Variants in DLG2 observed in about 807,000 individuals in gnomAD.
DLG2 encodes disks large homolog 2.
Under a neutral mutation model 132.5 loss-of-function variants are expected in DLG2, and 45 were observed. That is an observed-to-expected ratio of 0.34 (90% CI 0.27 to 0.44). DLG2 has a LOEUF of 0.44. DLG2 is among the 20% of genes least tolerant of loss of function. The pLI is 1.00. For synonymous variants in DLG2, 424 were observed against 419.6 expected, an observed-to-expected ratio of 1.01 and a Z score of -0.13; for missense variants, 1,045 against 1,196.9, an observed-to-expected ratio of 0.87 and a Z score of 1.87.
chr11:84,512,523 C>T (rs2099259822), intron 7 of DLG2, among the ~76,000 whole-genome samples: 1 of 152,094 alleles, frequency 6.6e-6, no homozygotes, highest in Non-Finnish European at 1.5e-5. Flanking sequence ...TCTCAACCAT[C>T]TTTGGATTTC....
At chr11:84,546,308 C>G (rs117693966) in intron 6 of DLG2, among the ~76,000 whole-genome samples, 37 of 152,310 alleles carry the variant, frequency 2.4e-4, no homozygotes, top group Admixed American at 3.9e-4. Flanking sequence ...TCCTCCTGCT[C>G]TGGCCATGTC....
chr11:85,501,670 G>C (rs909037114), intron 3 of DLG2, among the ~76,000 whole-genome samples: 2 of 152,170 alleles, frequency 1.3e-5, no homozygotes, highest in African/African-American at 4.8e-5. Flanking sequence ...ATGAAAAAAT[G>C]CTCATCATCT....
chr11:83,587,567 G>T (rs2097106839), intron 19 of DLG2, among the ~76,000 whole-genome samples: 1 of 152,196 alleles, frequency 6.6e-6, no homozygotes. Flanking sequence ...GCTACTTTTA[G>T]GAGATAGTGA....
At chr11:84,438,213 C>T (rs2099006786) in intron 7 of DLG2, among the ~76,000 whole-genome samples, 1 of 152,178 alleles carries the variant, frequency 6.6e-6, no homozygotes, top group Non-Finnish European at 1.5e-5. Flanking sequence ...TGCCCACCAG[C>T]CAGCCTTATC....
intron 4 of DLG2, among the ~76,000 whole-genome samples, chr11:85,170,903 C>A (rs1595046696): frequency 6.6e-6 from 1 of 151,162 alleles, no homozygotes; most frequent in South Asian, 2.1e-4. Flanking sequence ...CTCCCCTTCT[C>A]TAATTAGGAC....
intron 7 of DLG2, among the ~76,000 whole-genome samples, chr11:84,390,791 A>G (rs1283018442): frequency 6.6e-6 from 1 of 152,182 alleles, no homozygotes; most frequent in African/African-American, 2.4e-5. Context: ...AATAGGTGAT[A>G]CCATGGTAAC....
Position 84,182,691 on chromosome 11 carries a change from A to C in DLG2, c.574-19180T>G, listed in dbSNP as rs537253200. On this transcript the variant is annotated intron_variant, in intron 8 of 27. Transcript: ENST00000376104. ...AATAATCTAAGCTTCTACTTTAGAA[A>C]ACTAGAAAAGGAAGGGCAAATTAAA... Among the ~76,000 whole-genome samples, 160 of 152,278 alleles carry C rather than the reference A, an allele frequency of 1.1e-3. 1 individual carries two copies. Among genetic ancestry groups the C allele is most frequent in the African/African-American group, 3.7e-3 (155 of 41,568 alleles).
intron 6 of DLG2, among the ~76,000 whole-genome samples, chr11:84,644,103 T>G (rs1223028918): frequency 6.6e-6 from 1 of 152,156 alleles, no homozygotes; most frequent in South Asian, 2.1e-4. Context: ...TACGTGGCCG[T>G]CTATACATGA....
chr11:83,536,218 T>G (rs559271770), intron 20 of DLG2, among the ~76,000 whole-genome samples: 1 of 152,308 alleles, frequency 6.6e-6, no homozygotes, highest in African/African-American at 2.4e-5. Context: ...CAACCAAATT[T>G]AAGCATACAA....
At chr11:83,507,758 T>TTTTATA (rs1473646062) in intron 21 of DLG2, among the ~76,000 whole-genome samples, 52 of 99,880 alleles carry the variant, frequency 5.2e-4, no homozygotes, top group Middle Eastern at 5.7e-3. Context: ...TATATTTTTA[T>TTTTATA]TATATATATA....
intron 6 of DLG2, among the ~76,000 whole-genome samples, chr11:84,962,191 G>T (rs2052677374): frequency 6.6e-6 from 1 of 152,162 alleles, no homozygotes; most frequent in Admixed American, 6.5e-5. Flanking sequence ...GCATATTATT[G>T]TCTTGATCTC....
At chr11:84,666,466 A>ATCTATATATGTATATG (rs1259422614) in intron 6 of DLG2, among the ~76,000 whole-genome samples, 4 of 152,048 alleles carry the variant, frequency 2.6e-5, no homozygotes, top group African/African-American at 7.2e-5. Context: ...TTATGTATAT[A>ATCTATATATGTATATG]TCTATATATG....
At chr11:84,324,535 T>C (rs80227954) in intron 7 of DLG2, among the ~76,000 whole-genome samples, 12,393 of 152,162 alleles carry the variant, frequency 0.081, 690 homozygotes, top group South Asian at 0.13. Flanking sequence ...TTGGGGTCCT[T>C]TGTGGTTCCA....
At chr11:85,453,921 C>T (rs1263781059) in intron 3 of DLG2, among the ~76,000 whole-genome samples, 2 of 151,980 alleles carry the variant, frequency 1.3e-5, no homozygotes, top group Non-Finnish European at 1.5e-5. Flanking sequence ...TTTATGCTCT[C>T]CTTCCTCCCA....
intron 5 of DLG2, among the ~76,000 whole-genome samples, chr11:85,124,782 T>C (rs955353842): frequency 6.6e-6 from 1 of 152,350 alleles, no homozygotes; most frequent in Middle Eastern, 3.4e-3. Context: ...GAATTCTTTT[T>C]TGTACATCAT....
At chr11:84,043,815 T>C (rs1216047587) in intron 11 of DLG2, among the ~76,000 whole-genome samples, 1 of 151,778 alleles carries the variant, frequency 6.6e-6, no homozygotes, top group Non-Finnish European at 1.5e-5. Flanking sequence ...AGTTCTGTAA[T>C]GGTATTATTT....
intron 6 of DLG2, among the ~76,000 whole-genome samples, chr11:84,704,046 G>A (rs1423772693): frequency 6.6e-6 from 1 of 150,710 alleles, no homozygotes; most frequent in East Asian, 2.0e-4. Flanking sequence ...TTAACTGCCT[G>A]TATATTTAAT....
At chr11:85,010,612 G>A (rs1340225215) in intron 6 of DLG2, among the ~76,000 whole-genome samples, 1 of 151,966 alleles carries the variant, frequency 6.6e-6, no homozygotes, top group African/African-American at 2.4e-5. Flanking sequence ...TTGTCCAAAG[G>A]GACAGTGATT....
Position 85,052,965 on chromosome 11 carries a change from C to T in DLG2, c.357+58696G>A, listed in dbSNP as rs79760933. The stretch of plus-strand genomic sequence containing the variant: ...AAATCAATTTATTTACTACTCTATA[C>T]GCTACTTGCCCTATTGTTTCCACTA... On this transcript the variant is annotated intron_variant, in intron 6 of 27. Coordinates refer to ENST00000376104, the MANE Select transcript of DLG2 (RefSeq NM_001142699.3). 4.3e-4 allele frequency among the ~76,000 whole-genome samples: 65 copies of T among 152,298 alleles called. No homozygotes were observed. In the East Asian group the frequency reaches 8.1e-3, roughly 19 times the overall value.
Sources: gnomAD v4.1 joint callset for allele counts (sites outside exome capture counted in the v4.1 genomes callset) on GRCh38, gnomAD v4.1.1 for gene constraint, MANE v1.5 for transcripts, NCBI Gene and HGNC (gene_info 2026-07-23, HGNC 2026-07-21) for gene names.